Variants in PIGB observed in about 807,000 individuals in gnomAD.
PIGB encodes GPI alpha-1,2-mannosyltransferase 3.
PIGB carries 58 observed loss-of-function variants against 68.4 expected under a neutral mutation model. The ratio of observed to expected loss-of-function variants is 0.85; its 90% CI spans 0.69 to 1.06. The LOEUF (loss-of-function observed/expected upper bound fraction) is 1.06. PIGB is among the 50% of genes least tolerant of loss of function. The pLI, the probability that PIGB is intolerant of heterozygous loss-of-function variation, is 0.00. For synonymous variants in PIGB, 219 were observed against 220.5 expected (o/e 0.99, Z 0.06); for missense variants, 634 against 655.8 (o/e 0.97, Z 0.36).
intron 10 of PIGB, among the ~76,000 whole-genome samples, chr15:55,351,332 C>T (rs2055917537): frequency 6.6e-6 from 1 of 151,780 alleles, no homozygotes; most frequent in South Asian, 2.1e-4. Flanking sequence ...TAGTCTCGAT[C>T]TCCTGACCTC....
chr15:55,330,197 AT>A (rs1210203375), intron 5 of PIGB, among the ~76,000 whole-genome samples: 1 of 152,166 alleles, frequency 6.6e-6, no homozygotes, highest in East Asian at 1.9e-4. Flanking sequence ...AAAAGCTGTA[AT>A]TGTAAGAGAG....
At chr15:55,335,224 G>C (rs1205544553) in intron 6 of PIGB, among the ~76,000 whole-genome samples, 1 of 152,230 alleles carries the variant, frequency 6.6e-6, no homozygotes, top group East Asian at 1.9e-4. Flanking sequence ...TAATGATGCA[G>C]TTCTCAGAAT....
chr15:55,331,172 C>T (rs111516585), intron 5 of PIGB, among the ~76,000 whole-genome samples: 6 of 152,122 alleles, frequency 3.9e-5, no homozygotes, highest in Non-Finnish European at 7.4e-5. Flanking sequence ...CCATATCTCA[C>T]GTTCAGCTTG....
chr15:55,331,677 C>A (rs2055418014), intron 5 of PIGB, among the ~76,000 whole-genome samples: 1 of 151,946 alleles, frequency 6.6e-6, no homozygotes, highest in African/African-American at 2.4e-5. Context: ...CACACGATTG[C>A]ACTCCAGCCT....
chr15:55,334,969 T>G (rs1410802628), intron 6 of PIGB, among the ~76,000 whole-genome samples: 1 of 152,222 alleles, frequency 6.6e-6, no homozygotes, highest in Non-Finnish European at 1.5e-5. Context: ...TCCACCCACC[T>G]TGGCCTCCCA....
At chr15:55,324,028 C>T (rs113157157) in intron 3 of PIGB, among the ~76,000 whole-genome samples, 32,737 of 152,072 alleles carry the variant, frequency 0.22, 4,218 homozygotes, top group African/African-American at 0.36. Flanking sequence ...GCTGGGATTA[C>T]AGGTGTCTGC....
At chr15:55,346,636 G>A (rs913481468) in intron 9 of PIGB, 7 of 152,206 alleles carry the variant, frequency 4.6e-5, no homozygotes, top group Non-Finnish European at 1.0e-4. Flanking sequence ...TACACACACA[G>A]TCTTAAATCT....
intron 3 of PIGB, among the ~76,000 whole-genome samples, chr15:55,322,599 C>T (rs537079201): frequency 1.2e-4 from 18 of 152,222 alleles, no homozygotes; most frequent in African/African-American, 3.9e-4. Context: ...CAAATCCTGA[C>T]GTGTTTTGTG....
At chr15:55,334,832 G>A (rs1653947449) in intron 6 of PIGB, among the ~76,000 whole-genome samples, 1 of 152,168 alleles carries the variant, frequency 6.6e-6, no homozygotes, top group African/African-American at 2.4e-5. Context: ...TGATTCTCCT[G>A]CCTCAGCCTC....
At chr15:55,344,922 G>T (rs8032384) in intron 9 of PIGB, among the ~76,000 whole-genome samples, 16,298 of 127,956 alleles carry the variant, frequency 0.13, 2,933 homozygotes, top group African/African-American at 0.42. Flanking sequence ...TTGAGACAGA[G>T]TCTCTCTCTG....
At chr15:55,331,723 A>T (rs2055420184) in intron 5 of PIGB, among the ~76,000 whole-genome samples, 1 of 151,828 alleles carries the variant, frequency 6.6e-6, no homozygotes, top group South Asian at 2.1e-4. Context: ...AAAAAAAAAA[A>T]TTTGTGGAGA....
intron 10 of PIGB, among the ~76,000 whole-genome samples, chr15:55,351,346 A>G (rs2055917974): frequency 6.6e-6 from 1 of 151,678 alleles, no homozygotes; most frequent in Non-Finnish European, 1.5e-5. Context: ...TGACCTCGTG[A>G]TCTGCCTGCC....
chr15:55,328,690 G>A (rs1387961286), intron 4 of PIGB, among the ~76,000 whole-genome samples: 3 of 152,074 alleles, frequency 2.0e-5, no homozygotes, highest in South Asian at 2.1e-4. Context: ...CACTAGGGCC[G>A]GGCATGGTGG....
chr15:55,325,918 TGG>T (rs1397247245), intron 3 of PIGB, among the ~76,000 whole-genome samples: 4 of 151,732 alleles, frequency 2.6e-5, no homozygotes, highest in Non-Finnish European at 5.9e-5. Flanking sequence ...TCCATCTCGC[TGG>T]GCACGGTTGC....
chr15:55,333,756 A>G, intron 5 of PIGB, 111 bp from the exon 6 acceptor site: 1 of 703,100 alleles, frequency 1.4e-6, no homozygotes, highest in East Asian at 3.2e-5. Context: ...AAAACAAAAA[A>G]AAGTTCATAT....
chr15:55,350,025 G>GT (rs2055887151), intron 9 of PIGB: 1 of 151,822 alleles, frequency 6.6e-6, no homozygotes, highest in Non-Finnish European at 1.5e-5. Flanking sequence ...TTTTCCTTTG[G>GT]TTTTTTGTTT....
chr15:55,321,329 T>TA lies in PIGB; in HGVS notation c.358dup (p.Ile120AsnfsTer16). 6.2e-7 allele frequency: 1 copy of TA among 1,607,240 alleles called. No homozygotes were observed. The highest frequency in any genetic ancestry group is 8.5e-7 in the Non-Finnish European group (1 of 1,175,162). ...AGACTGAGGAGTTACACTTATCCCT[T>TA]AATCTTTGCAAGCATTTACAAGATT... is the stretch of plus-strand genomic sequence containing the variant. On this transcript the variant is annotated frameshift_variant, in exon 3 of 12. Coordinates refer to ENST00000164305, the MANE Select transcript of PIGB (RefSeq NM_004855.5). LOFTEE classifies it high-confidence loss of function.
intron 6 of PIGB, among the ~76,000 whole-genome samples, chr15:55,335,088 A>G (rs2055504296): frequency 6.6e-6 from 1 of 152,232 alleles, no homozygotes; most frequent in South Asian, 2.1e-4. Flanking sequence ...TCAGCATACT[A>G]TCATGCTGTA....
intron 6 of PIGB, among the ~76,000 whole-genome samples, chr15:55,335,362 G>T (rs1255497851): frequency 6.6e-6 from 1 of 152,192 alleles, no homozygotes; most frequent in Non-Finnish European, 1.5e-5. Context: ...TTTCTCAGAT[G>T]TATTAATAAC....
Sources: gnomAD v4.1 joint callset for allele counts (sites outside exome capture counted in the v4.1 genomes callset) on GRCh38, gnomAD v4.1.1 for gene constraint, MANE v1.5 for transcripts, NCBI Gene and HGNC (gene_info 2026-07-23, HGNC 2026-07-21) for gene names.